LPAR6: variants seen among roughly 807,000 people sequenced by gnomAD.
LPAR6 encodes G-protein coupled purinergic receptor P2Y5.
Under a neutral mutation model 22.0 loss-of-function variants are expected in LPAR6, and 17 were observed. The ratio of observed to expected loss-of-function variants is 0.77; its 90% CI spans 0.53 to 1.16. LPAR6 has a LOEUF of 1.16. Ranked by LOEUF, LPAR6 falls within the 50% of genes most tolerant of loss-of-function variation. The probability of loss-of-function intolerance (pLI) is 0.00; values close to 1 mark genes in which losing one functional copy is unlikely to be tolerated. For synonymous variants in LPAR6, 136 were observed against 139.8 expected (o/e 0.97, Z 0.19); for missense variants, 384 against 406.9 (o/e 0.94, Z 0.48).
chr13:48,441,872 A>T (rs1238165133), intron 1 of LPAR6, among the ~76,000 whole-genome samples: 7 of 152,144 alleles, frequency 4.6e-5, no homozygotes, highest in Non-Finnish European at 8.8e-5. Context: ...TTTAATTTTG[A>T]TCATTTAATT....
chr13:48,419,673 A>G (rs1424631568), intron 2 of LPAR6, among the ~76,000 whole-genome samples: 1 of 152,218 alleles, frequency 6.6e-6, no homozygotes, highest in Admixed American at 6.5e-5. Context: ...GAGAAGAATC[A>G]AATAGACACA....
intron 1 of LPAR6, among the ~76,000 whole-genome samples, chr13:48,405,659 C>T (rs1423813639): frequency 1.3e-5 from 2 of 152,188 alleles, no homozygotes; most frequent in South Asian, 4.1e-4. Flanking sequence ...ACTATCTACT[C>T]CTTGAGAAGA....
At chr13:48,408,577 G>T (rs1367781847), downstream of LPAR6, 4 of 151,940 alleles carry the variant, frequency 2.6e-5, no homozygotes, top group African/African-American at 7.2e-5. Context: ...AGGTTTTTCT[G>T]AATAAAGGGG....
intron 1 of LPAR6, among the ~76,000 whole-genome samples, chr13:48,425,742 T>C (rs1320997520): frequency 1.3e-5 from 2 of 152,168 alleles, no homozygotes; most frequent in Non-Finnish European, 2.9e-5. Context: ...TTCTCTATTG[T>C]ATATTTGTAA....
chr13:48,413,242 A>AAT (rs1428113698), upstream of LPAR6: 1 of 167,112 alleles, frequency 6.0e-6, no homozygotes, highest in African/African-American at 2.4e-5. Flanking sequence ...GTCTGCTGGG[A>AAT]ATATACCTAG....
At chr13:48,437,040 C>A (rs1019977132) in intron 1 of LPAR6, among the ~76,000 whole-genome samples, 8 of 152,154 alleles carry the variant, frequency 5.3e-5, no homozygotes, top group Admixed American at 2.0e-4. Context: ...TAGACAAGTT[C>A]ATGCTTGCCT....
At chr13:48,418,184 C>G (rs974463269) in intron 2 of LPAR6, among the ~76,000 whole-genome samples, 1 of 152,196 alleles carries the variant, frequency 6.6e-6, no homozygotes, top group African/African-American at 2.4e-5. Context: ...GTGGATCTCT[C>G]TGCAGAAACC....
downstream of LPAR6, chr13:48,408,812 T>C (rs1421068464): frequency 6.6e-6 from 1 of 152,188 alleles, no homozygotes; most frequent in African/African-American, 2.4e-5. Flanking sequence ...AACATAGTAA[T>C]AACAACTATT....
chr13:48,444,152 A>G (rs2138314387), intron 1 of LPAR6, among the ~76,000 whole-genome samples: 1 of 152,210 alleles, frequency 6.6e-6, no homozygotes, highest in African/African-American at 2.4e-5. Context: ...AGAACTTCTG[A>G]CCTACTGGCT....
At chr13:48,440,022 G>A (rs1431907483) in intron 1 of LPAR6, among the ~76,000 whole-genome samples, 1 of 152,082 alleles carries the variant, frequency 6.6e-6, no homozygotes, top group African/African-American at 2.4e-5. Flanking sequence ...GAAGTATCAG[G>A]AATAGGGTAG....
intron 1 of LPAR6, among the ~76,000 whole-genome samples, chr13:48,391,236 C>T (rs1948608164): frequency 6.6e-6 from 1 of 152,114 alleles, no homozygotes; most frequent in African/African-American, 2.4e-5. Flanking sequence ...AGTATATTTC[C>T]ATTTTCCCTT....
chr13:48,405,470 G>T (rs2138187347), intron 1 of LPAR6, among the ~76,000 whole-genome samples: 2 of 152,202 alleles, frequency 1.3e-5, no homozygotes, highest in Non-Finnish European at 2.9e-5. Context: ...TCCCATCCTT[G>T]TTGGCCCATA....
At chr13:48,426,298 A>T (rs75601896) in intron 1 of LPAR6, among the ~76,000 whole-genome samples, 7,740 of 152,298 alleles carry the variant, frequency 0.051, 558 homozygotes, top group African/African-American at 0.14. Context: ...GTGGGAAATC[A>T]TGGAACAATA....
chr13:48,415,951 T>G (rs1948901330), upstream of LPAR6: 1 of 152,212 alleles, frequency 6.6e-6, no homozygotes, highest in Admixed American at 6.5e-5. Flanking sequence ...AGTAACTACT[T>G]GCAAAGGGAG....
Position 48,412,246 on chromosome 13 carries a change from C to T in LPAR6, c.178G>A (p.Ala60Thr), listed in dbSNP as rs755699659. 1.2e-6 allele frequency: 2 copies of T among 1,614,012 alleles called. No individual in the cohort carries two copies. The highest frequency in any genetic ancestry group is 2.7e-5 in the African/African-American group (2 of 75,014). The change falls in exon 1 of 1, where the codon GCA (alanine) becomes ACA (threonine). Residue 60 changes from alanine to threonine, a missense_variant. By Grantham distance (58) the Ala-to-Thr change is moderately conservative. Transcript: ENST00000620633. ...NETTTYMINL[A>T]MSDLLFVFTL... ...AAAACAAAAAGCAAGTCTGACATTG[C>T]CAAGTTAATCATGTAAGTTGTAGTT...
chr13:48,420,285 C>A (rs1373993879), intron 2 of LPAR6, among the ~76,000 whole-genome samples: 2 of 152,122 alleles, frequency 1.3e-5, no homozygotes, highest in Admixed American at 1.3e-4. Context: ...AAGATAAAAA[C>A]CACATGATTA....
At chr13:48,441,787 T>C (rs1949239581) in intron 1 of LPAR6, among the ~76,000 whole-genome samples, 1 of 152,150 alleles carries the variant, frequency 6.6e-6, no homozygotes, top group South Asian at 2.1e-4. Context: ...TAGATTCCCA[T>C]TGGCAAAAAC....
upstream of LPAR6, among the ~76,000 whole-genome samples, chr13:48,431,157 C>T (rs1949125941): frequency 6.6e-6 from 1 of 151,916 alleles, no homozygotes; most frequent in South Asian, 2.1e-4. Context: ...AATAACAACC[C>T]ATTCAAAAAG....
intron 1 of LPAR6, among the ~76,000 whole-genome samples, chr13:48,424,370 C>G (rs545850803): frequency 2.0e-5 from 3 of 152,016 alleles, no homozygotes; most frequent in Non-Finnish European, 2.9e-5. Flanking sequence ...TACCCAAGTT[C>G]AAAGAGTTGA....
Sources: gnomAD v4.1 joint callset for allele counts (sites outside exome capture counted in the v4.1 genomes callset) on GRCh38, gnomAD v4.1.1 for gene constraint, MANE v1.5 for transcripts, NCBI Gene and HGNC (gene_info 2026-07-23, HGNC 2026-07-21) for gene names.